Variants in NRG1 observed in about 807,000 individuals in gnomAD.
NRG1 encodes the protein pro-neuregulin-1, membrane-bound isoform.
In NRG1, 18 loss-of-function variants were observed where a neutral mutation model predicts 63.8. That is an observed-to-expected ratio of 0.28 (90% confidence interval 0.19 to 0.42). The LOEUF is 0.42. Ranked by LOEUF, NRG1 falls within the 10% of genes least tolerant of loss-of-function variation. The probability of loss-of-function intolerance (pLI) is 1.00; values close to 1 mark genes in which losing one functional copy is unlikely to be tolerated. For missense variants in NRG1, 762 were observed against 814.7 expected, an observed-to-expected ratio of 0.94 and a Z score of 0.79; for synonymous variants, 302 against 301.3, an observed-to-expected ratio of 1.00 and a Z score of -0.02.
intron 1 of NRG1, among the ~76,000 whole-genome samples, chr8:32,231,947 A>C (rs1847001528): frequency 6.6e-6 from 1 of 151,818 alleles, no homozygotes; most frequent in African/African-American, 2.4e-5. Context: ...TCCATTACCC[A>C]GACTGGAGTG....
chr8:32,733,913 T>C (rs1188664068), intron 6 of NRG1, among the ~76,000 whole-genome samples: 2 of 152,352 alleles, frequency 1.3e-5, no homozygotes, highest in African/African-American at 4.8e-5. Flanking sequence ...GTTGTAGGAA[T>C]TCTTTCTCTG....
At chr8:32,593,432 T>C (rs1842838982) in intron 1 of NRG1, among the ~76,000 whole-genome samples, 1 of 152,044 alleles carries the variant, frequency 6.6e-6, no homozygotes, top group African/African-American at 2.4e-5. Flanking sequence ...GGCAGGCAGA[T>C]TGTTTGAGCC....
chr8:31,719,323 T>A (rs1812674750), intron 1 of NRG1, among the ~76,000 whole-genome samples: 1 of 152,322 alleles, frequency 6.6e-6, no homozygotes, highest in South Asian at 2.1e-4. Context: ...GTTTACATTC[T>A]TTAATTAAAT....
intron 5 of NRG1, among the ~76,000 whole-genome samples, chr8:32,678,520 G>A (rs559336840): frequency 7.2e-5 from 11 of 152,002 alleles, no homozygotes; most frequent in African/African-American, 2.2e-4. Context: ...GTCCAATTAC[G>A]GGTTCTTTAA....
At chr8:32,278,437 C>A (rs894813728) in intron 1 of NRG1, among the ~76,000 whole-genome samples, 1 of 152,154 alleles carries the variant, frequency 6.6e-6, no homozygotes, top group South Asian at 2.1e-4. Flanking sequence ...AAATTAGGAA[C>A]CAAAATTGCA....
At chr8:31,664,115 G>C (rs1464840481) in intron 1 of NRG1, among the ~76,000 whole-genome samples, 1 of 152,052 alleles carries the variant, frequency 6.6e-6, no homozygotes, top group Non-Finnish European at 1.5e-5. Flanking sequence ...TGTCTGTCTA[G>C]TACCAAACTT....
At chr8:31,841,789 A>G (rs541134236) in intron 1 of NRG1, among the ~76,000 whole-genome samples, 1 of 152,340 alleles carries the variant, frequency 6.6e-6, no homozygotes, top group Non-Finnish European at 1.5e-5. Flanking sequence ...AAATAATTCA[A>G]GGAATCATAG....
intron 1 of NRG1, among the ~76,000 whole-genome samples, chr8:32,334,760 G>A (rs1803050718): frequency 6.6e-6 from 1 of 152,192 alleles, no homozygotes; most frequent in Admixed American, 6.5e-5. Flanking sequence ...GGTTATTAAT[G>A]TTTTGATACT....
intron 1 of NRG1, among the ~76,000 whole-genome samples, chr8:32,045,448 G>A (rs1459905107): frequency 1.3e-5 from 2 of 151,902 alleles, no homozygotes; most frequent in African/African-American, 2.4e-5. Flanking sequence ...CAAAATCACA[G>A]TAGAATATTT....
At position 32,161,446 on chromosome 8, in the gene NRG1, A is replaced by G. The variant is rs1210283023; in HGVS notation, c.38-434382A>G. Among the ~76,000 whole-genome samples, 3 of 152,226 alleles carry G rather than the reference A, an allele frequency of 2.0e-5. No individual in the cohort carries two copies. The East Asian group carries it at 5.8e-4, about 29-fold the overall frequency. On this transcript the variant is annotated intron_variant, in intron 1 of 10. Transcript: ENST00000519301. ...TAAACCTGAAATGATACAATTAATT[A>G]CGGAAGTTATAGAATATTGGAGCAT...
exon 12 of NRG1, chr8:32,764,445 A>G: frequency 1.4e-6 from 2 of 1,437,452 alleles, no homozygotes; most frequent in South Asian, 1.5e-5. Flanking sequence ...ACTTTATTTT[A>G]TATAATAAAG....
At chr8:32,052,708 C>T (rs1252998151) in intron 1 of NRG1, among the ~76,000 whole-genome samples, 6 of 152,146 alleles carry the variant, frequency 3.9e-5, no homozygotes, top group Non-Finnish European at 4.4e-5. Context: ...GTTTACCTTG[C>T]TTTTGTGCAT....
intron 1 of NRG1, among the ~76,000 whole-genome samples, chr8:31,796,340 T>A (rs1447984702): frequency 7.0e-6 from 1 of 142,946 alleles, no homozygotes; most frequent in Admixed American, 7.1e-5. Context: ...TCTAACCCCA[T>A]CTTAAAAAAC....
At chr8:32,764,417 C>A in exon 12 of NRG1, 1 of 1,521,432 alleles carries the variant, frequency 6.6e-7, no homozygotes, top group Non-Finnish European at 8.8e-7. Context: ...TAAATAAACA[C>A]ATAGATTCAC....
chr8:32,709,461 C>G (rs1192087608), intron 5 of NRG1, among the ~76,000 whole-genome samples: 1 of 151,588 alleles, frequency 6.6e-6, no homozygotes, highest in African/African-American at 2.4e-5. Context: ...ACTCCATTGC[C>G]CCAGCTGGAG....
chr8:31,971,400 G>A (rs973295204), intron 1 of NRG1, among the ~76,000 whole-genome samples: 4 of 152,032 alleles, frequency 2.6e-5, no homozygotes, highest in East Asian at 1.9e-4. Context: ...TAGGTCTCCC[G>A]TGCATTTTAA....
At chr8:32,760,249 A>C in exon 11 of NRG1, 1 of 1,614,074 alleles carries the variant, frequency 6.2e-7, no homozygotes, top group Non-Finnish European at 8.5e-7. Context: ...CCACTCTGTA[A>C]TCGTGATGTC....
At chr8:32,616,795 A>C in intron 4 of NRG1, 40 bp from the exon 5 acceptor site, 2 of 1,518,980 alleles carry the variant, frequency 1.3e-6, no homozygotes, top group Non-Finnish European at 1.8e-6. Context: ...TCCAAGCAGC[A>C]TGACTCAATA....
intron 1 of NRG1, among the ~76,000 whole-genome samples, chr8:32,535,957 T>C (rs1009234568): frequency 5.3e-5 from 8 of 152,154 alleles, no homozygotes; most frequent in African/African-American, 1.9e-4. Flanking sequence ...CAAACTTTCT[T>C]CCTATTTATC....
Sources: allele counts gnomAD v4.1 joint callset (sites outside exome capture counted in the v4.1 genomes callset), GRCh38; gene constraint gnomAD v4.1.1; transcripts MANE v1.5; gene names NCBI Gene and HGNC (gene_info 2026-07-23, HGNC 2026-07-21).